Variants in ADSL observed in about 807,000 individuals in gnomAD.
The protein encoded by ADSL is adenylosuccinase.
In ADSL, 44 loss-of-function variants were observed where a neutral mutation model predicts 62.1. The ratio of observed to expected loss-of-function variants is 0.71; its 90% CI spans 0.56 to 0.91. The LOEUF (loss-of-function observed/expected upper bound fraction) is 0.91. Among genes scored for constraint, ADSL ranks in the 40% least tolerant of loss-of-function variants. The pLI is 0.00. For missense variants in ADSL, 531 were observed against 627.4 expected (o/e 0.85, Z 1.64); for synonymous variants, 198 against 220.5 (o/e 0.90, Z 0.90).
chr22:40,364,305 G>A lies in ADSL; in HGVS notation c.1131G>A (p.Leu377=), dbSNP rs776727558. Residue 377 remains leucine (L), a synonymous_variant, in exon 11 of 13, where the codon CTG becomes CTA. Coordinates refer to ENST00000623063, the MANE Select transcript of ADSL (RefSeq NM_000026.4). ...KVIERRIRQE[L]PFMATENIIM... is the part of the protein sequence containing the mutation. ...TTGAACGGCGCATTCGGCAAGAGCT[G>A]CCTTTCATGGCCACAGAGAACATCA... 6.2e-7 allele frequency: 1 copy of A among 1,614,050 alleles called. No homozygotes were observed.
chr22:40,385,413 G>C (rs1050412565), intron 2 of ADSL, among the ~76,000 whole-genome samples: 1 of 152,170 alleles, frequency 6.6e-6, no homozygotes, highest in Non-Finnish European at 1.5e-5. Context: ...CAGTGGACAC[G>C]AAGCCATTGG....
At chr22:40,354,537 G>C (rs552329782) in intron 4 of ADSL, among the ~76,000 whole-genome samples, 35 of 152,214 alleles carry the variant, frequency 2.3e-4, no homozygotes, top group African/African-American at 3.1e-4. Flanking sequence ...TACATATCAA[G>C]AGCCTTGAAA....
chr22:40,365,003 C>T lies in ADSL; in HGVS notation c.1315C>T (p.Gln439Ter), dbSNP rs2044946255. ...VDAYFSPIHSQLDHLLDPSSF... is the reference protein window; with the variant it reads ...VDAYFSPIHS The stretch of plus-strand genomic sequence containing the variant: ...TGCCTACTTCAGTCCCATTCACTCC[C>T]AGTTGGATCATTTACTGGATCCTTC... Residue 439 changes from glutamine (Q) to a stop codon, truncating the protein, a stop_gained, in exon 12 of 13, where the codon CAG (glutamine) becomes TAG (stop). Coordinates refer to ENST00000623063, the MANE Select transcript of ADSL (RefSeq NM_000026.4). LOFTEE classifies it high-confidence loss of function. 3 of 1,613,982 alleles carry T rather than the reference C, an allele frequency of 1.9e-6. No individual in the cohort carries two copies. Among genetic ancestry groups the T allele is most frequent in the Non-Finnish European group, 2.5e-6 (3 of 1,179,970 alleles).
chr22:40,362,791 G>T (rs187160246), intron 9 of ADSL, among the ~76,000 whole-genome samples, 190 bp from the exon 10 acceptor site: 2 of 152,288 alleles, frequency 1.3e-5, no homozygotes, highest in Non-Finnish European at 2.9e-5. Flanking sequence ...TAGGTATGAG[G>T]TCTGGCACTT....
At chr22:40,354,879 A>AG (rs2044491512) in intron 4 of ADSL, among the ~76,000 whole-genome samples, 1 of 152,102 alleles carries the variant, frequency 6.6e-6, no homozygotes, top group South Asian at 2.1e-4. Context: ...AAAAAAAAAA[A>AG]AAAAGAAAAA....
At chr22:40,387,080 A>T in intron 2 of ADSL, 1 of 394,980 alleles carries the variant, frequency 2.5e-6, no homozygotes. Context: ...TGATAACTAG[A>T]GTTGTGCTAG....
At chr22:40,365,192 A>G (rs1474124678) in intron 12 of ADSL, 136 bp downstream of exon 12, 2 of 969,294 alleles carry the variant, frequency 2.1e-6, no homozygotes, top group Non-Finnish European at 1.6e-6. Context: ...GCTAAAACTT[A>G]GATATTTCGG....
rs1326757123 is a variant in ADSL at position 40,368,194 on chromosome 22, C to T, written c.*1672C>T. The T allele has an allele frequency of 6.6e-6, 1 of 152,134 alleles. No individual in the cohort carries two copies. The highest frequency in any genetic ancestry group is 1.5e-5 in the Non-Finnish European group (1 of 68,048). 9.4% of individuals were successfully genotyped at this position (152,134 alleles called of 1,614,324 possible). ...CCAAGAGACACACTGAGCTCAATAC[C>T]CATTACTGAGACTGGCTTGGGGCCA... is the stretch of plus-strand genomic sequence containing the variant. On this transcript the variant is annotated 3_prime_UTR_variant, in exon 13 of 13. Coordinates refer to ENST00000623063, the MANE Select transcript of ADSL (RefSeq NM_000026.4).
chr22:40,356,639 G>A (rs1176197112), intron 4 of ADSL, among the ~76,000 whole-genome samples: 4 of 151,962 alleles, frequency 2.6e-5, no homozygotes, highest in Admixed American at 2.6e-4. Context: ...GAGGCATGGA[G>A]TTCGAGACCA....
At position 40,368,614 on chromosome 22, in the gene ADSL, C is replaced by T. The variant is rs1297814433; in HGVS notation, c.*2092C>T. 1 of 152,162 alleles carries T rather than the reference C, an allele frequency of 6.6e-6. No homozygotes were observed. The highest frequency in any genetic ancestry group is 1.9e-4 in the East Asian group (1 of 5,192). The allele number at this position is 152,162 out of a possible 1,614,324, so 9.4% of individuals were successfully genotyped here. On this transcript the variant is annotated 3_prime_UTR_variant, in exon 13 of 13. Transcript: ENST00000623063. ...TGCTCAACTTCCAGAAAGAGTTACT[C>T]TGTTCATCTCTAAAAAATCTTGAAA...
At chr22:40,373,849 C>T (rs778329654), downstream of ADSL, among the ~76,000 whole-genome samples, 3 of 152,150 alleles carry the variant, frequency 2.0e-5, no homozygotes, top group Non-Finnish European at 2.9e-5. Context: ...CTCTTGACCT[C>T]GTGATCCGCC....
intron 9 of ADSL, 36 bp from the exon 10 acceptor site, chr22:40,362,945 G>C: frequency 1.9e-6 from 3 of 1,567,606 alleles, no homozygotes; most frequent in Non-Finnish European, 2.6e-6. Flanking sequence ...GAAATTATTT[G>C]TTTAAAGACA....
At chr22:40,346,835 G>A (rs1488296747) in intron 1 of ADSL, 124 bp downstream of exon 1, 4 of 1,075,026 alleles carry the variant, frequency 3.7e-6, no homozygotes, top group Non-Finnish European at 5.3e-6. Context: ...TCAGCTGGGT[G>A]TTCCCTGTCC....
chr22:40,361,644 C>A lies in ADSL; in HGVS notation c.1010+9C>A. On this transcript the variant is annotated intron_variant, in intron 9 of 12. Transcript: ENST00000623063. ...GATGATAGTGCCAACCGGTCAGTGG[C>A]ACAGGGACATCACATACACCAAGTT... The A allele has an allele frequency of 1.2e-6, 2 of 1,612,082 alleles. No individual in the cohort carries two copies. The highest frequency in any genetic ancestry group is 2.2e-5 in the South Asian group (2 of 91,082).
chr22:40,373,657 C>G (rs1423190371), downstream of ADSL: 1 of 152,220 alleles, frequency 6.6e-6, no homozygotes, highest in Non-Finnish European at 1.5e-5. Context: ...CACTCTGTCA[C>G]CAGGCTAGAG....
At position 40,361,709 on chromosome 22, in the gene ADSL, A is replaced by G. The variant is rs544453344; in HGVS notation, c.1010+74A>G. On this transcript the variant is annotated intron_variant, in intron 9 of 12. Transcript: ENST00000623063. ...AGGAGGGACCTAGAAGTAAAAGGAC[A>G]TATTTGAGCATCTCTACAGTCTCCT... is the stretch of plus-strand genomic sequence containing the variant. 2.7e-4 allele frequency: 420 copies of G among 1,564,924 alleles called. 2 individuals are homozygous for G. In the South Asian group the frequency reaches 3.0e-3, roughly 11 times the overall value.
intron 7 of ADSL, among the ~76,000 whole-genome samples, chr22:40,360,920 C>G (rs566544825): frequency 1.3e-5 from 2 of 152,056 alleles, no homozygotes; most frequent in East Asian, 1.9e-4. Context: ...AGGCTGGTCT[C>G]GAACTCCTGA....
intron 2 of ADSL, among the ~76,000 whole-genome samples, chr22:40,352,372 C>A (rs1270258917): frequency 1.3e-5 from 2 of 151,902 alleles, no homozygotes; most frequent in African/African-American, 2.4e-5. Context: ...ACTAAAAATA[C>A]AAAAAATTAG....
chr22:40,363,605 G>A (rs763216772), intron 10 of ADSL, among the ~76,000 whole-genome samples: 1 of 152,004 alleles, frequency 6.6e-6, no homozygotes, highest in Non-Finnish European at 1.5e-5. Context: ...GCGTGTTGGC[G>A]GGTGCCTGTA....
Sources: gnomAD v4.1 joint callset for allele counts (sites outside exome capture counted in the v4.1 genomes callset) on GRCh38, gnomAD v4.1.1 for gene constraint, MANE v1.5 for transcripts, NCBI Gene and HGNC (gene_info 2026-07-23, HGNC 2026-07-21) for gene names.